Variants in LMBR1 observed in about 807,000 individuals in gnomAD.
LMBR1 encodes the protein limb development membrane protein 1.
LMBR1 carries 52 observed loss-of-function variants against 73.9 expected under a neutral mutation model. The ratio of observed to expected loss-of-function variants is 0.70; its 90% confidence interval spans 0.56 to 0.89. The LOEUF is 0.89. Ranked by LOEUF, LMBR1 falls within the 40% of genes least tolerant of loss-of-function variation. The probability of loss-of-function intolerance (pLI) is 0.00; values close to 1 mark genes in which losing one functional copy is unlikely to be tolerated. For synonymous variants in LMBR1, 215 were observed against 209.4 expected (o/e 1.03, Z -0.23); for missense variants, 539 against 579.8 (o/e 0.93, Z 0.72).
chr7:156,834,290 A>T (rs1379285421), intron 2 of LMBR1, among the ~76,000 whole-genome samples: 1 of 152,168 alleles, frequency 6.6e-6, no homozygotes, highest in Non-Finnish European at 1.5e-5. Flanking sequence ...TGCCTCAGTA[A>T]CTCATAATTA....
chr7:156,818,597 G>C lies in LMBR1; in HGVS notation c.319+8008C>G, dbSNP rs536234130. On this transcript the variant is annotated intron_variant, in intron 4 of 16. Transcript: ENST00000353442. ...ATTAAACTCACATTACTTAAAATTA[G>C]CGATTTTAAAGTGAACAATTCAGTG... is the stretch of plus-strand genomic sequence containing the variant. Among the ~76,000 whole-genome samples, 3 of 152,144 alleles carry C rather than the reference G, an allele frequency of 2.0e-5. No individual in the cohort carries two copies. The South Asian group carries it at 6.2e-4, about 32-fold the overall frequency.
At chr7:156,872,891 A>C (rs1288302495) in intron 1 of LMBR1, among the ~76,000 whole-genome samples, 2 of 152,152 alleles carry the variant, frequency 1.3e-5, no homozygotes, top group Non-Finnish European at 2.9e-5. Context: ...GCTCTGAAAG[A>C]AGCAGATTGC....
rs1241553335 is a variant in LMBR1, at chr7:156,725,536, C to A, written c.1068-11G>T. ...GACACCATAAGATAGCTGTGAGAAT[C>A]AAGGAAAAAAACTCTCCAACAGAAT... On this transcript the variant is annotated splice_polypyrimidine_tract_variant and intron_variant, in intron 13 of 16. Coordinates refer to ENST00000353442, the MANE Select transcript of LMBR1 (RefSeq NM_022458.4). 5 of 1,561,214 alleles carry A rather than the reference C, an allele frequency of 3.2e-6. No homozygotes were observed. Among genetic ancestry groups the A allele is most frequent in the Non-Finnish European group, 4.4e-6 (5 of 1,148,498 alleles).
At chr7:156,788,613 A>G (rs1307899261) in intron 5 of LMBR1, among the ~76,000 whole-genome samples, 1 of 137,438 alleles carries the variant, frequency 7.3e-6, no homozygotes, top group East Asian at 2.4e-4. Flanking sequence ...CTCTCAACAT[A>G]TCTTGTTTTA....
intron 4 of LMBR1, among the ~76,000 whole-genome samples, chr7:156,809,080 T>C (rs1416604986): frequency 6.6e-6 from 1 of 152,220 alleles, no homozygotes; most frequent in African/African-American, 2.4e-5. Flanking sequence ...ACATATAAAC[T>C]GCTGCTTCTA....
At chr7:156,849,837 G>A (rs548515679) in intron 1 of LMBR1, among the ~76,000 whole-genome samples, 2 of 152,240 alleles carry the variant, frequency 1.3e-5, no homozygotes, top group Admixed American at 1.3e-4. Flanking sequence ...TGGAATCTAA[G>A]TCATGATGTT....
chr7:156,712,564 T>TA (rs1269417752), intron 15 of LMBR1, among the ~76,000 whole-genome samples: 1 of 152,194 alleles, frequency 6.6e-6, no homozygotes, highest in Non-Finnish European at 1.5e-5. Context: ...CCTGCACTCA[T>TA]ATGTTTATAG....
At chr7:156,738,727 G>C (rs1053992478) in intron 9 of LMBR1, among the ~76,000 whole-genome samples, 2 of 152,146 alleles carry the variant, frequency 1.3e-5, no homozygotes, top group African/African-American at 4.8e-5. Context: ...GGCCAGAAGG[G>C]AACCTGCTAC....
chr7:156,699,150 A>G (rs559306259), intron 15 of LMBR1, among the ~76,000 whole-genome samples: 11 of 151,978 alleles, frequency 7.2e-5, no homozygotes, highest in African/African-American at 2.2e-4. Flanking sequence ...TTGCTAAAAC[A>G]TAACAAGAAC....
chr7:156,876,260 G>A (rs976474103), intron 1 of LMBR1, among the ~76,000 whole-genome samples: 6 of 152,084 alleles, frequency 3.9e-5, no homozygotes, highest in Admixed American at 6.6e-5. Flanking sequence ...TTGTCCAAAA[G>A]GAAAGTATCA....
intron 1 of LMBR1, 44 bp from the exon 2 acceptor site, chr7:156,836,929 T>C (rs377197864): frequency 7.1e-6 from 9 of 1,267,852 alleles, no homozygotes; most frequent in Non-Finnish European, 1.0e-5. Flanking sequence ...TTTTTGCATA[T>C]CTTTTTTAAA....
rs1804510203 is a variant in LMBR1 at position 156,678,809 on chromosome 7, C to T, written c.*5269G>A. ...TGAAGCCACTTCTTGTGCCTTCTCACACATCCCTTTTTGCCTTTAAATCCA... is the reference window on the plus strand; with the variant it reads ...TGAAGCCACTTCTTGTGCCTTCTCATACATCCCTTTTTGCCTTTAAATCCA... On this transcript the variant is annotated 3_prime_UTR_variant, in exon 17 of 17. Coordinates refer to ENST00000353442, the MANE Select transcript of LMBR1 (RefSeq NM_022458.4). The T allele has an allele frequency of 6.6e-6, 1 of 152,230 alleles. No individual in the cohort carries two copies. The highest frequency in any genetic ancestry group is 2.4e-5 in the African/African-American group (1 of 41,450). 9.4% of individuals were successfully genotyped at this position (152,230 alleles called of 1,614,324 possible). A position where few individuals can be genotyped will look rare whatever the true frequency, so the allele number is the denominator to read the frequency against.
At chr7:156,884,870 A>C (rs998055399) in intron 1 of LMBR1, among the ~76,000 whole-genome samples, 1 of 152,182 alleles carries the variant, frequency 6.6e-6, no homozygotes, top group African/African-American at 2.4e-5. Flanking sequence ...GGAAGGACTA[A>C]AGTTTTTTAT....
intron 4 of LMBR1, among the ~76,000 whole-genome samples, chr7:156,811,482 C>T (rs1348341823): frequency 3.3e-5 from 5 of 151,930 alleles, no homozygotes; most frequent in Admixed American, 6.6e-5. Flanking sequence ...TGGTGGCACA[C>T]GCCTGTAGTC....
chr7:156,820,695 T>C (rs986395323), intron 4 of LMBR1, among the ~76,000 whole-genome samples: 5 of 152,218 alleles, frequency 3.3e-5, no homozygotes, highest in Non-Finnish European at 7.3e-5. Flanking sequence ...AGCAGGCCTC[T>C]CTGGACTTCG....
intron 5 of LMBR1, among the ~76,000 whole-genome samples, chr7:156,787,695 T>C (rs932595972): frequency 6.6e-6 from 1 of 152,248 alleles, no homozygotes; most frequent in African/African-American, 2.4e-5. Flanking sequence ...TCCCAATAAG[T>C]GATAAATATT....
chr7:156,687,266 A>G (rs1238563058), intron 16 of LMBR1, among the ~76,000 whole-genome samples: 1 of 152,240 alleles, frequency 6.6e-6, no homozygotes. Flanking sequence ...AGCTAATGTC[A>G]GGATTTTTAA....
intron 4 of LMBR1, among the ~76,000 whole-genome samples, chr7:156,810,013 G>A (rs995954624): frequency 1.3e-5 from 2 of 151,938 alleles, no homozygotes; most frequent in African/African-American, 4.8e-5. Flanking sequence ...CTGATACCCT[G>A]TGTGTTAGCC....
At chr7:156,674,341 GGGGGAATGGGAAA>G (rs1057473585), downstream of LMBR1, among the ~76,000 whole-genome samples, 2 of 152,228 alleles carry the variant, frequency 1.3e-5, no homozygotes, top group Non-Finnish European at 2.9e-5. Flanking sequence ...ACCTGGGCAT[GGGGGAATGGGAAA>G]TGTCATCTCT....
Sources: allele counts gnomAD v4.1 joint callset (sites outside exome capture counted in the v4.1 genomes callset), GRCh38; gene constraint gnomAD v4.1.1; transcripts MANE v1.5; gene names NCBI Gene and HGNC (gene_info 2026-07-23, HGNC 2026-07-21).